Variants in AGAP1 observed in about 807,000 individuals in gnomAD.
AGAP1 encodes the protein ArfGAP with GTPase domain, ankyrin repeat and PH domain 1.
In AGAP1, 29 loss-of-function variants were observed where a neutral mutation model predicts 105.3. The ratio of observed to expected loss-of-function variants is 0.28; its 90% CI spans 0.21 to 0.38. The LOEUF is 0.38. AGAP1 is among the 10% of genes least tolerant of loss of function. The probability of loss-of-function intolerance (pLI) is 1.00; values close to 1 mark genes in which losing one functional copy is unlikely to be tolerated. For missense variants in AGAP1, 998 were observed against 1,165.1 expected, an observed-to-expected ratio of 0.86 and a Z score of 2.09; for synonymous variants, 509 against 485.9, an observed-to-expected ratio of 1.05 and a Z score of -0.63.
chr2:235,699,299 G>T (rs572664116), intron 1 of AGAP1, among the ~76,000 whole-genome samples: 1 of 152,276 alleles, frequency 6.6e-6, no homozygotes, highest in Non-Finnish European at 1.5e-5. Context: ...GTCTTTGGTT[G>T]CGTTGTCTTG....
chr2:235,729,202 C>T lies in AGAP1; in HGVS notation c.310+11558C>T, dbSNP rs980931209. ...GCTGCTGGAACCCATCACCATGAAG[C>T]CCCCTGCACTAACTAGGGCGTGTGC... On this transcript the variant is annotated intron_variant, in intron 3 of 17. Coordinates refer to ENST00000304032, the MANE Select transcript of AGAP1 (RefSeq NM_001037131.3). The surrounding 1 kb of genome is among the most constrained non-coding windows in gnomAD (Gnocchi z 5.0). Among the ~76,000 whole-genome samples the T allele has an allele frequency of 6.6e-6, 1 of 152,178 alleles. No individual in the cohort carries two copies. Among genetic ancestry groups the T allele is most frequent in the African/African-American group, 2.4e-5 (1 of 41,392 alleles).
At chr2:235,587,232 G>A (rs748974927) in intron 1 of AGAP1, among the ~76,000 whole-genome samples, 1 of 152,130 alleles carries the variant, frequency 6.6e-6, no homozygotes, top group South Asian at 2.1e-4. Flanking sequence ...TGGAAAAGTC[G>A]GACCAAGTTT....
intron 4 of AGAP1, among the ~76,000 whole-genome samples, chr2:235,743,298 A>G (rs1374817345): frequency 6.6e-6 from 1 of 152,226 alleles, no homozygotes; most frequent in African/African-American, 2.4e-5. Flanking sequence ...TGAGAGCCAC[A>G]GTTCACGTTT....
At chr2:236,081,587 C>T (rs1263341022) in intron 16 of AGAP1, among the ~76,000 whole-genome samples, 6 of 151,986 alleles carry the variant, frequency 3.9e-5, no homozygotes, top group Admixed American at 3.9e-4. Flanking sequence ...AGACACATGA[C>T]TCCTTCCTTA....
intron 6 of AGAP1, among the ~76,000 whole-genome samples, chr2:235,783,046 GTGTGTC>G (rs747037208): frequency 0.024 from 2,162 of 89,416 alleles, 44 homozygotes; most frequent in African/African-American, 0.066. Context: ...GTGTGTGTGT[GTGTGTC>G]TAGGTTGCAG....
intron 1 of AGAP1, among the ~76,000 whole-genome samples, chr2:235,560,901 A>C (rs1327463856): frequency 2.0e-5 from 3 of 152,148 alleles, no homozygotes. Flanking sequence ...AGGCCAAGCG[A>C]TGCTCCAGGA....
chr2:235,915,716 T>G (rs920587623), intron 11 of AGAP1, among the ~76,000 whole-genome samples: 4 of 152,168 alleles, frequency 2.6e-5, no homozygotes, highest in African/African-American at 9.7e-5. Flanking sequence ...AGAAAAAGTT[T>G]TATGAATAAA....
chr2:235,552,224 A>C lies in AGAP1; in HGVS notation c.163+57375A>C. The stretch of plus-strand genomic sequence containing the variant: ...GACAGGGCTTCTGAGAACCACCTGC[A>C]GTTCTGCTTATTGCTGGTGTTGAGA... On this transcript the variant is annotated intron_variant, in intron 1 of 17. Transcript: ENST00000304032. The surrounding 1 kb of genome is among the most constrained non-coding windows in gnomAD (Gnocchi z 5.9). Among the ~76,000 whole-genome samples the C allele has an allele frequency of 6.6e-6, 1 of 152,228 alleles. No individual in the cohort carries two copies.
intron 13 of AGAP1, among the ~76,000 whole-genome samples, chr2:236,011,097 T>C (rs2125560981): frequency 6.6e-6 from 1 of 152,346 alleles, no homozygotes; most frequent in African/African-American, 2.4e-5. Context: ...TGATGAGTTT[T>C]CCATGTGTGT....
In AGAP1 at chr2:236,125,449, C is replaced by A. The variant is rs1436813743; in HGVS notation, c.*1327C>A. ...AGCATCTCAGAATAAGATGGTGGTA[C>A]AATTTGCTTATTAAAATTGAGAAAG... On this transcript the variant is annotated 3_prime_UTR_variant, in exon 18 of 18. Transcript: ENST00000304032. This position sits in a 1 kb window ranked among gnomAD's most constrained non-coding sequence, Gnocchi z 5.2. 6.6e-6 allele frequency: 1 copy of A among 151,544 alleles called. No homozygotes were observed. The highest frequency in any genetic ancestry group is 1.5e-5 in the Non-Finnish European group (1 of 67,918). The allele number at this position is 151,544 out of a possible 1,614,324, so 9.4% of individuals were successfully genotyped here.
At chr2:235,990,542 T>G (rs1302472011) in intron 13 of AGAP1, among the ~76,000 whole-genome samples, 1 of 152,196 alleles carries the variant, frequency 6.6e-6, no homozygotes, top group East Asian at 1.9e-4. Flanking sequence ...ACACATGACC[T>G]CTGCAAGTGG....
chr2:235,657,879 A>G (rs895837984), intron 1 of AGAP1, among the ~76,000 whole-genome samples: 1 of 152,202 alleles, frequency 6.6e-6, no homozygotes, highest in African/African-American at 2.4e-5. Flanking sequence ...GTGTCCTTAT[A>G]AGAAGAGGAG....
chr2:235,771,872 C>T (rs56071605), intron 6 of AGAP1, among the ~76,000 whole-genome samples: 36,211 of 151,916 alleles, frequency 0.24, 4,918 homozygotes, highest in Admixed American at 0.39. Flanking sequence ...ATCCTTTTTA[C>T]TTGTTTCGAG....
intron 6 of AGAP1, among the ~76,000 whole-genome samples, chr2:235,759,447 G>A (rs1341050010): frequency 6.6e-6 from 1 of 152,232 alleles, no homozygotes; most frequent in Non-Finnish European, 1.5e-5. Flanking sequence ...GGGATTACAG[G>A]CGTGAGCCAC....
In AGAP1 at chr2:236,123,486, G is replaced by A. The variant is rs74271947; in HGVS notation, c.2371-433G>A. Among the ~76,000 whole-genome samples, 70 of 152,258 alleles carry A rather than the reference G, an allele frequency of 4.6e-4. 3 individuals carry two copies. The East Asian group carries it at 0.012, about 26-fold the overall frequency. The stretch of plus-strand genomic sequence containing the variant: ...AGATTCAAAGAAAACTCATTGAAAG[G>A]AAATACACTAATTCACAAAGGTTAT... On this transcript the variant is annotated intron_variant, in intron 17 of 17. Coordinates refer to ENST00000304032, the MANE Select transcript of AGAP1 (RefSeq NM_001037131.3). This position sits in a 1 kb window ranked among gnomAD's most constrained non-coding sequence, Gnocchi z 4.6.
intron 16 of AGAP1, among the ~76,000 whole-genome samples, chr2:236,100,547 G>A (rs549612299): frequency 1.5e-4 from 23 of 152,182 alleles, no homozygotes; most frequent in Non-Finnish European, 2.8e-4. Flanking sequence ...AGTTGAGGCC[G>A]GATGCAGTGG....
In AGAP1 at chr2:235,994,998, C is replaced by A. The variant is rs1381786513; in HGVS notation, c.1645+26375C>A. ...AAGAGAATTGCTTGAACCCGGGAGG[C>A]AGAGGTTGCAGTGAGCCGAGATCGC... On this transcript the variant is annotated intron_variant, in intron 13 of 17. Coordinates refer to ENST00000304032, the MANE Select transcript of AGAP1 (RefSeq NM_001037131.3). The surrounding 1 kb of genome is among the most constrained non-coding windows in gnomAD (Gnocchi z 4.4). Among the ~76,000 whole-genome samples the A allele has an allele frequency of 8.7e-6, 1 of 114,616 alleles. No individual in the cohort carries two copies. The highest frequency in any genetic ancestry group is 3.5e-5 in the African/African-American group (1 of 28,862). The allele number at this position is 114,616 out of a possible 152,430, so 75.2% of individuals were successfully genotyped here. A position where few individuals can be genotyped will look rare whatever the true frequency, so the allele number is the denominator to read the frequency against.
chr2:235,904,657 A>T lies in AGAP1; in HGVS notation c.1156-4081A>T, dbSNP rs2051217159. Reference sequence around the variant, plus strand: ...TGTCTTAATTTTACCGAGGTCCCTAACTCAGACCCGTGAAGGGTCTGCACA... The same window carrying T: ...TGTCTTAATTTTACCGAGGTCCCTATCTCAGACCCGTGAAGGGTCTGCACA... On this transcript the variant is annotated intron_variant, in intron 10 of 17. Coordinates refer to ENST00000304032, the MANE Select transcript of AGAP1 (RefSeq NM_001037131.3). The surrounding 1 kb of genome is among the most constrained non-coding windows in gnomAD (Gnocchi z 4.2). Among the ~76,000 whole-genome samples the T allele has an allele frequency of 6.6e-6, 1 of 152,168 alleles. No homozygotes were observed. Among genetic ancestry groups the T allele is most frequent in the South Asian group, 2.1e-4 (1 of 4,816 alleles).
At position 236,051,229 on chromosome 2, in the gene AGAP1, C is replaced by T. The variant is rs112495278; in HGVS notation, c.2114+1948C>T. Among the ~76,000 whole-genome samples the T allele has an allele frequency of 0.016, 2,438 of 152,270 alleles. 65 individuals carry two copies. Among genetic ancestry groups the T allele is most frequent in the African/African-American group, 0.056 (2,334 of 41,530 alleles). On this transcript the variant is annotated intron_variant, in intron 16 of 17. Coordinates refer to ENST00000304032, the MANE Select transcript of AGAP1 (RefSeq NM_001037131.3). The surrounding 1 kb of genome is among the most constrained non-coding windows in gnomAD (Gnocchi z 5.9). Reference sequence around the variant, plus strand: ...TTGCACCTAAGAAGATAAACACATACGAGAACTGAATATTTCTTTGTGCCT... The same window carrying T: ...TTGCACCTAAGAAGATAAACACATATGAGAACTGAATATTTCTTTGTGCCT...
Sources: gnomAD v4.1 joint callset for allele counts (sites outside exome capture counted in the v4.1 genomes callset) on GRCh38, gnomAD v4.1.1 for gene constraint, Gnocchi (gnomAD v3.1) non-coding constraint, MANE v1.5 for transcripts, NCBI Gene and HGNC (gene_info 2026-07-23, HGNC 2026-07-21) for gene names.